Variants in JMJD1C observed in about 807,000 individuals in gnomAD.
JMJD1C encodes jumonji domain containing 1C.
Under a neutral mutation model 245.3 loss-of-function variants are expected in JMJD1C, and 31 were observed. The ratio of observed to expected loss-of-function variants is 0.13; its 90% CI spans 0.09 to 0.17. The LOEUF (loss-of-function observed/expected upper bound fraction) is 0.17, where lower values mean the gene tolerates loss of function less well. Ranked by LOEUF, JMJD1C falls within the 10% of genes least tolerant of loss-of-function variation. The pLI is 1.00. For missense variants in JMJD1C, 2,691 were observed against 3,000.2 expected, an observed-to-expected ratio of 0.90 and a Z score of 2.41; for synonymous variants, 1,057 against 1,017.4, an observed-to-expected ratio of 1.04 and a Z score of -0.74.
chr10:63,472,889 A>G (rs746369672), intron 1 of JMJD1C, among the ~76,000 whole-genome samples: 1 of 151,740 alleles, frequency 6.6e-6, no homozygotes, highest in African/African-American at 2.4e-5. Flanking sequence ...GGTTCAAGCA[A>G]TTCTCCTGCC....
At chr10:63,238,811 A>T (rs1851106695) in intron 3 of JMJD1C, among the ~76,000 whole-genome samples, 1 of 152,244 alleles carries the variant, frequency 6.6e-6, no homozygotes, top group South Asian at 2.1e-4. Flanking sequence ...ACTAAAATTT[A>T]TTAGGAATAT....
rs1399477479 is a variant in JMJD1C, at chr10:63,168,506, C to T, written c.7462G>A (p.Val2488Ile). Residue 2488 changes from valine (V) to isoleucine (I), a missense_variant, in exon 25 of 26, where the codon GTA becomes ATA. Around this residue, in one of 9 missense-constraint regions of JMJD1C, gnomAD observed 232 missense variants for 416.1 expected, o/e 0.56. Coordinates refer to ENST00000399262, the MANE Select transcript of JMJD1C (RefSeq NM_032776.3). ...TCCTGTGTTAAATGAAATGACTCTA[C>T]AAGATGTTCTGGAGACACAAAATCT... Reference protein sequence around the residue: ...TEDFVSPEHLVESFHLTQELR... With the variant: ...TEDFVSPEHLIESFHLTQELR... The T allele has an allele frequency of 3.1e-6, 5 of 1,610,782 alleles. No individual in the cohort carries two copies. In the African/African-American group the frequency reaches 5.3e-5, roughly 17 times the overall value.
chr10:63,446,666 A>T (rs879330439), intron 1 of JMJD1C, among the ~76,000 whole-genome samples: 2 of 152,232 alleles, frequency 1.3e-5, no homozygotes, highest in Non-Finnish European at 2.9e-5. Context: ...AAATAAACAA[A>T]GTACTTGAAG....
At chr10:63,517,676 C>T (rs10740133) in intron 1 of JMJD1C, among the ~76,000 whole-genome samples, 100,364 of 152,072 alleles carry the variant, frequency 0.66, 36,050 homozygotes, top group Non-Finnish European at 0.81. Flanking sequence ...ATTTCAAGCA[C>T]TCCAAGAGAC....
At chr10:63,194,050 T>C (rs961155702) in intron 14 of JMJD1C, among the ~76,000 whole-genome samples, 2 of 152,240 alleles carry the variant, frequency 1.3e-5, no homozygotes, top group African/African-American at 4.8e-5. Context: ...AAAAATCCAA[T>C]AGGCCTTTTC....
chr10:63,496,856 T>G (rs1954380875), intron 1 of JMJD1C, among the ~76,000 whole-genome samples: 1 of 152,212 alleles, frequency 6.6e-6, no homozygotes, highest in Non-Finnish European at 1.5e-5. Context: ...TAAATGCATG[T>G]TTCCACTAGT....
At chr10:63,336,140 GA>G (rs894779390) in intron 2 of JMJD1C, among the ~76,000 whole-genome samples, 8 of 151,652 alleles carry the variant, frequency 5.3e-5, no homozygotes, top group African/African-American at 1.7e-4. Flanking sequence ...AAGAAAAAAA[GA>G]AAAAAACCAC....
chr10:63,351,124 G>A (rs1944325563), intron 2 of JMJD1C, among the ~76,000 whole-genome samples: 1 of 149,906 alleles, frequency 6.7e-6, no homozygotes, highest in South Asian at 2.1e-4. Context: ...TATCACCCAG[G>A]CTGGAATGCA....
At position 63,347,910 on chromosome 10, in the gene JMJD1C, T is replaced by C. The variant is rs577976250; in HGVS notation, c.333+32408A>G. 7.0e-4 allele frequency among the ~76,000 whole-genome samples: 107 copies of C among 152,056 alleles called. 1 individual carries two copies. Among genetic ancestry groups the C allele is most frequent in the South Asian group, 1.9e-3 (9 of 4,812 alleles). On this transcript the variant is annotated intron_variant, in intron 2 of 25. Transcript: ENST00000399262. Reference sequence around the variant, plus strand: ...GCCTAGGCAACAGAGCAAGACTCCATCTCAAAACAAGAGAAATTACCGCTG... The same window carrying C: ...GCCTAGGCAACAGAGCAAGACTCCACCTCAAAACAAGAGAAATTACCGCTG...
At chr10:63,504,376 A>C (rs113960550) in intron 1 of JMJD1C, among the ~76,000 whole-genome samples, 5,615 of 152,240 alleles carry the variant, frequency 0.037, 329 homozygotes, top group East Asian at 0.29. Flanking sequence ...TGGTTAGGTG[A>C]GATTGGGTAA....
At chr10:63,374,359 C>A (rs1028849052) in intron 2 of JMJD1C, among the ~76,000 whole-genome samples, 2 of 152,160 alleles carry the variant, frequency 1.3e-5, no homozygotes, top group South Asian at 2.1e-4. Context: ...AATGCTGCAT[C>A]CCCTTAGGAT....
chr10:63,474,642 C>T (rs189930195), intron 1 of JMJD1C, among the ~76,000 whole-genome samples: 24 of 151,878 alleles, frequency 1.6e-4, no homozygotes, highest in African/African-American at 4.1e-4. Flanking sequence ...GTAGAGACGA[C>T]GGTCTCACTA....
At chr10:63,493,636 C>A (rs1954252914) in intron 1 of JMJD1C, among the ~76,000 whole-genome samples, 1 of 152,096 alleles carries the variant, frequency 6.6e-6, no homozygotes, top group African/African-American at 2.4e-5. Flanking sequence ...GCGTGAGCCA[C>A]CACACCCGGC....
chr10:63,267,012 T>C (rs193153562), intron 2 of JMJD1C, among the ~76,000 whole-genome samples: 2 of 152,306 alleles, frequency 1.3e-5, no homozygotes, highest in Non-Finnish European at 2.9e-5. Context: ...CGTTTTAAGA[T>C]GTCTCATTGA....
chr10:63,211,868 A>G (rs893403980), intron 8 of JMJD1C, among the ~76,000 whole-genome samples: 16 of 151,552 alleles, frequency 1.1e-4, no homozygotes, highest in African/African-American at 3.9e-4. Context: ...AAACAAAAAA[A>G]CCACCCATGT....
At chr10:63,420,403 A>G (rs1213076180) in intron 1 of JMJD1C, among the ~76,000 whole-genome samples, 1 of 152,130 alleles carries the variant, frequency 6.6e-6, no homozygotes, top group Non-Finnish European at 1.5e-5. Context: ...GCCCATTTAA[A>G]GACTAAAAAA....
At chr10:63,394,526 T>G (rs980637870) in intron 1 of JMJD1C, among the ~76,000 whole-genome samples, 1 of 152,170 alleles carries the variant, frequency 6.6e-6, no homozygotes, top group South Asian at 2.1e-4. Flanking sequence ...TTCTTAGAAA[T>G]GAGATCAAAA....
At chr10:63,430,232 T>C (rs1263082877) in intron 1 of JMJD1C, among the ~76,000 whole-genome samples, 1 of 152,172 alleles carries the variant, frequency 6.6e-6, no homozygotes, top group Non-Finnish European at 1.5e-5. Context: ...CCCATAACTA[T>C]CAAACTCTTA....
chr10:63,194,396 T>A, intron 13 of JMJD1C, 21 bp from the exon 14 acceptor site: 1 of 1,378,790 alleles, frequency 7.3e-7, no homozygotes, highest in African/African-American at 1.4e-5. Context: ...ATAAAACTTG[T>A]ATATCACACT....
Sources: allele counts gnomAD v4.1 joint callset (sites outside exome capture counted in the v4.1 genomes callset), GRCh38; gene constraint gnomAD v4.1.1; regional missense constraint gnomAD v4.1.1; transcripts MANE v1.5; gene names NCBI Gene and HGNC (gene_info 2026-07-23, HGNC 2026-07-21).